The following MARK2 variants were observed in gnomAD, a reference collection of about 807,000 sequenced individuals.
MARK2 encodes microtubule affinity regulating kinase 2.
A neutral mutation model predicts 89.8 loss-of-function variants in MARK2; 16 were observed. That is an observed-to-expected ratio of 0.18 (90% CI 0.12 to 0.27). MARK2 has a LOEUF of 0.27. Among genes scored for constraint, MARK2 ranks in the 10% least tolerant of loss-of-function variants. MARK2 has a pLI of 1.00. For missense variants in MARK2, 621 were observed against 1,049.9 expected (o/e 0.59, Z 5.65); for synonymous variants, 382 against 399.5 (o/e 0.96, Z 0.52).
rs1284456375 is a variant in MARK2, at chr11:63,902,943, T to C, written c.1417-118T>C. 4 of 1,081,954 alleles carry C rather than the reference T, an allele frequency of 3.7e-6. No individual in the cohort carries two copies. Among genetic ancestry groups the C allele is most frequent in the East Asian group, 4.7e-5 (2 of 42,428 alleles). The allele number at this position is 1,081,954 out of a possible 1,614,324, so 67.0% of individuals were successfully genotyped here. ...TAAATGCAGAATCCTTTCCTTAACC[T>C]ACCACTGTCTGCTTCAGGTGGAAGG... On this transcript the variant is annotated intron_variant, in intron 13 of 18. Coordinates refer to ENST00000402010, the MANE Select transcript of MARK2 (RefSeq NM_001039469.3). The surrounding 1 kb of genome is among the most constrained non-coding windows in gnomAD (Gnocchi z 4.2).
chr11:63,868,073 A>T (rs1938234128), intron 1 of MARK2, among the ~76,000 whole-genome samples: 1 of 152,172 alleles, frequency 6.6e-6, no homozygotes, highest in African/African-American at 2.4e-5. Context: ...TTAATGAATT[A>T]TTTGTGAAAC....
At chr11:63,885,998 G>C (rs569582419) in intron 1 of MARK2, among the ~76,000 whole-genome samples, 1 of 149,172 alleles carries the variant, frequency 6.7e-6, no homozygotes, top group Non-Finnish European at 1.5e-5. Context: ...GTGTGGTGGC[G>C]GGCGCCTGTA....
rs1475503400 is a variant in MARK2 at position 63,900,260 on chromosome 11, T to C, written c.768+150T>C. On this transcript the variant is annotated intron_variant, in intron 8 of 18. Transcript: ENST00000402010. The surrounding 1 kb of genome is among the most constrained non-coding windows in gnomAD (Gnocchi z 4.7). ...CTGAGGTAGCAGCAGTCAAAGGCCT[T>C]CTGCACCTGGGAATGAATAACCTCA... 1 of 712,134 alleles carries C rather than the reference T, an allele frequency of 1.4e-6. No homozygotes were observed. The highest frequency in any genetic ancestry group is 2.5e-6 in the Non-Finnish European group (1 of 407,438). The allele number at this position is 712,134 out of a possible 1,614,324, so 44.1% of individuals were successfully genotyped here.
chr11:63,884,148 T>TTGC (rs1467513477), intron 1 of MARK2, among the ~76,000 whole-genome samples: 2 of 152,124 alleles, frequency 1.3e-5, no homozygotes, highest in African/African-American at 4.8e-5. Context: ...CAACAAAGGT[T>TTGC]TGCTAGGGCA....
intron 1 of MARK2, among the ~76,000 whole-genome samples, chr11:63,855,269 A>G (rs1246250760): frequency 1.3e-5 from 2 of 152,210 alleles, no homozygotes; most frequent in African/African-American, 4.8e-5. Context: ...CTGTAATGTC[A>G]GCACTTTGGG....
At chr11:63,908,108 G>A in intron 17 of MARK2, 152 bp from the exon 18 acceptor site, 1 of 661,538 alleles carries the variant, frequency 1.5e-6, no homozygotes, top group Admixed American at 2.4e-5. Flanking sequence ...GCAGAGCCCT[G>A]TTGGCTTGCC....
At chr11:63,856,483 C>A (rs142641528) in intron 1 of MARK2, among the ~76,000 whole-genome samples, 49 of 151,026 alleles carry the variant, frequency 3.2e-4, no homozygotes, top group Middle Eastern at 3.4e-3. Context: ...AGTGCAGTGG[C>A]GTGATCTCAG....
At chr11:63,846,365 T>A (rs550951571) in intron 1 of MARK2, among the ~76,000 whole-genome samples, 4 of 151,696 alleles carry the variant, frequency 2.6e-5, no homozygotes, top group African/African-American at 9.7e-5. Flanking sequence ...AAAAAAAAAT[T>A]TTTTTTTTGA....
intron 16 of MARK2, among the ~76,000 whole-genome samples, 156 bp from the exon 17 acceptor site, chr11:63,905,932 G>A (rs553783331): frequency 4.0e-4 from 61 of 152,334 alleles, no homozygotes; most frequent in Admixed American, 1.3e-3. Flanking sequence ...AGGTCTGAAA[G>A]CCTGGGACTC....
At chr11:63,855,985 T>TA (rs2135223363) in intron 1 of MARK2, among the ~76,000 whole-genome samples, 1 of 152,360 alleles carries the variant, frequency 6.6e-6, no homozygotes, top group South Asian at 2.1e-4. Context: ...TTTCAATTTC[T>TA]AATAAGATAG....
intron 1 of MARK2, among the ~76,000 whole-genome samples, chr11:63,881,132 C>T (rs995884283): frequency 2.6e-5 from 4 of 151,178 alleles, no homozygotes; most frequent in African/African-American, 7.3e-5. Flanking sequence ...GGTGAAATCC[C>T]GTCTACTAAA....
At chr11:63,907,549 C>A (rs1442322802) in intron 17 of MARK2, among the ~76,000 whole-genome samples, 2 of 152,216 alleles carry the variant, frequency 1.3e-5, no homozygotes, top group African/African-American at 4.8e-5. Context: ...CAGACCTCTT[C>A]CCCACCCACC....
chr11:63,888,081 T>C (rs1939510794), intron 1 of MARK2, among the ~76,000 whole-genome samples: 1 of 152,194 alleles, frequency 6.6e-6, no homozygotes, highest in Non-Finnish European at 1.5e-5. Flanking sequence ...CATAGGGGGC[T>C]TTACAGAGTC....
intron 1 of MARK2, among the ~76,000 whole-genome samples, chr11:63,844,418 A>G (rs2016177138): frequency 6.6e-6 from 1 of 152,184 alleles, no homozygotes; most frequent in Non-Finnish European, 1.5e-5. Context: ...GGGGAGGTCG[A>G]GACTGCATTG....
intron 1 of MARK2, among the ~76,000 whole-genome samples, chr11:63,854,831 A>T (rs1343508811): frequency 7.2e-6 from 1 of 138,058 alleles, no homozygotes; most frequent in Non-Finnish European, 1.6e-5. Context: ...AAAAAAAAAA[A>T]GGGTATTCCA....
intron 1 of MARK2, among the ~76,000 whole-genome samples, chr11:63,857,577 GT>G (rs2016928959): frequency 6.6e-6 from 1 of 152,166 alleles, no homozygotes; most frequent in African/African-American, 2.4e-5. Flanking sequence ...TGGAAAATAA[GT>G]TTTTTATTAA....
At chr11:63,863,140 G>A (rs1285728315) in intron 1 of MARK2, among the ~76,000 whole-genome samples, 2 of 152,078 alleles carry the variant, frequency 1.3e-5, no homozygotes, top group African/African-American at 2.4e-5. Context: ...TTATCCCATC[G>A]CTGGTGTAAT....
At chr11:63,890,143 G>T in intron 1 of MARK2, 1 of 894,840 alleles carries the variant, frequency 1.1e-6, no homozygotes, top group Non-Finnish European at 1.6e-6. Context: ...TGCCTCACTT[G>T]GGGCCTTGGC....
At chr11:63,848,026 A>G (rs1040877604) in intron 1 of MARK2, among the ~76,000 whole-genome samples, 4 of 152,252 alleles carry the variant, frequency 2.6e-5, no homozygotes, top group African/African-American at 7.2e-5. Flanking sequence ...GGCAGCTTAC[A>G]GGGACTTCAG....
Sources: gnomAD v4.1 joint callset for allele counts (sites outside exome capture counted in the v4.1 genomes callset) on GRCh38, gnomAD v4.1.1 for gene constraint, Gnocchi (gnomAD v3.1) non-coding constraint, MANE v1.5 for transcripts, NCBI Gene and HGNC (gene_info 2026-07-23, HGNC 2026-07-21) for gene names.